Variants in ZNF844 observed in about 807,000 individuals in gnomAD.
ZNF844 encodes zinc finger protein 844.
ZNF844 carries 11 observed loss-of-function variants against 11.4 expected under a neutral mutation model. The ratio of observed to expected loss-of-function variants is 0.97; its 90% confidence interval spans 0.61 to 1.60. The LOEUF is 1.60. Among genes scored for constraint, ZNF844 ranks in the 40% most tolerant of loss-of-function variants. ZNF844 has a pLI of 0.00. For synonymous variants in ZNF844, 248 were observed against 260.3 expected (o/e 0.95, Z 0.46); for missense variants, 790 against 796.8 (o/e 0.99, Z 0.10).
Position 12,076,061 on chromosome 19 carries a change from G to A in ZNF844, c.941G>A (p.Cys314Tyr). Residue 314 changes from cysteine (C) to tyrosine (Y), a missense_variant, in exon 4 of 4, where the codon TGT becomes TAT. Coordinates refer to ENST00000439326, the MANE Select transcript of ZNF844 (RefSeq NM_001136501.3). ...GAGAAGGCTTATGAATGTACCAAAT[G>A]TGGGAAAGCATTCAAGTGTCCCAGT... ...SEEKAYECTK[C>Y]GKAFKCPSYL... is the part of the protein sequence containing the mutation. The A allele has an allele frequency of 6.4e-7, 1 of 1,563,782 alleles. No homozygotes were observed.
Position 12,075,516 on chromosome 19 carries a change from G to T in ZNF844, c.396G>T (p.Glu132Asp). 6.2e-7 allele frequency: 1 copy of T among 1,613,926 alleles called. No individual in the cohort carries two copies. ...IRADTAHKPS[E>D]YQEYGQEPYK... is the part of the protein sequence containing the mutation. ...CTGACACTGCACACAAGCCGTCTGA[G>T]TATCAGGAATATGGACAGGAGCCAT... is the stretch of plus-strand genomic sequence containing the variant. The change falls in exon 4 of 4, where the codon GAG becomes GAT. Residue 132 changes from glutamate (E) to aspartate (D), a missense_variant. Around this residue, in one of 3 missense-constraint regions of ZNF844, gnomAD observed 4 missense variants for 16.6 expected, o/e 0.24. Coordinates refer to ENST00000439326, the MANE Select transcript of ZNF844 (RefSeq NM_001136501.3).
Position 12,071,146 on chromosome 19 carries a change from G to A in ZNF844, c.4-2885G>A, listed in dbSNP as rs137907812. Among the ~76,000 whole-genome samples, 308 of 152,102 alleles carry A rather than the reference G, an allele frequency of 2.0e-3. 1 individual carries two copies. The highest frequency in any genetic ancestry group is 6.9e-3 in the African/African-American group (286 of 41,526). ...CTTAAGTTTCTGGTTTCCTCCCCACGTTCCAGAACACTCCCTCATTTCCCC... is the reference window on the plus strand; with the variant it reads ...CTTAAGTTTCTGGTTTCCTCCCCACATTCCAGAACACTCCCTCATTTCCCC... On this transcript the variant is annotated intron_variant, in intron 1 of 3. Coordinates refer to ENST00000439326, the MANE Select transcript of ZNF844 (RefSeq NM_001136501.3).
Position 12,077,487 on chromosome 19 carries a change from G to A in ZNF844, c.*366G>A, listed in dbSNP as rs1342180639. The A allele has an allele frequency of 3.3e-6, 2 of 606,616 alleles. No individual in the cohort carries two copies. The highest frequency in any genetic ancestry group is 1.9e-5 in the African/African-American group (1 of 53,614). The allele number at this position is 606,616 out of a possible 1,614,324, so 37.6% of individuals were successfully genotyped here. A position where few individuals can be genotyped will look rare whatever the true frequency, so the allele number is the denominator to read the frequency against. ...CTATGAATGTAAGCAGTGTGGGAAA[G>A]CCTTCATTTCTTCCGGTAGCCTTCG... On this transcript the variant is annotated 3_prime_UTR_variant, in exon 4 of 4. Coordinates refer to ENST00000439326, the MANE Select transcript of ZNF844 (RefSeq NM_001136501.3).
chr19:12,077,534 TG>T lies in ZNF844; in HGVS notation c.*415del. On this transcript the variant is annotated 3_prime_UTR_variant, in exon 4 of 4. Coordinates refer to ENST00000439326, the MANE Select transcript of ZNF844 (RefSeq NM_001136501.3). ...TTCGATATCATGAAAGGACTCACAC[TG>T]GAGAGAAACCCTATGAATGTAAGCA... 1 of 610,704 alleles carries T rather than the reference TG, an allele frequency of 1.6e-6. No homozygotes were observed. The highest frequency in any genetic ancestry group is 3.1e-6 in the Non-Finnish European group (1 of 323,094). The allele number at this position is 610,704 out of a possible 1,614,324, so 37.8% of individuals were successfully genotyped here.
At chr19:12,069,214 G>C (rs1178565580) in intron 1 of ZNF844, among the ~76,000 whole-genome samples, 1 of 84,066 alleles carries the variant, frequency 1.2e-5, no homozygotes, top group African/African-American at 5.2e-5. Context: ...ACCAAGTCTT[G>C]CTCTGTCACC....
rs531429218 is a variant in ZNF844 at position 12,080,416 on chromosome 19, A to C, written c.*3295A>C. On this transcript the variant is annotated 3_prime_UTR_variant, in exon 4 of 4. Coordinates refer to ENST00000439326, the MANE Select transcript of ZNF844 (RefSeq NM_001136501.3). ...TTTAGAAATGGAGTTGGAGGATGTC[A>C]TAATACAATTCACCAGTGTCCTATC... The C allele has an allele frequency of 2.6e-6, 1 of 377,988 alleles. No individual in the cohort carries two copies. Among genetic ancestry groups the C allele is most frequent in the Admixed American group, 3.7e-5 (1 of 26,834 alleles). 23.4% of individuals were successfully genotyped at this position (377,988 alleles called of 1,614,324 possible).
rs1381412538 is a variant in ZNF844 at position 12,074,417 on chromosome 19, C to T, written c.187C>T (p.Leu63=). The change falls in exon 3 of 4, where the codon CTA becomes TTA. Residue 63 remains leucine (L), a synonymous_variant. Coordinates refer to ENST00000439326, the MANE Select transcript of ZNF844 (RefSeq NM_001136501.3). ...EDQYKNPRNN[L]RSLLGERVDE... ...TCAGTACAAAAATCCCAGGAATAAT[C>T]TAAGGTGATTTAAACTCACGAGACA... is the stretch of plus-strand genomic sequence containing the variant. 6.5e-7 allele frequency: 1 copy of T among 1,536,466 alleles called. No individual in the cohort carries two copies. Among genetic ancestry groups the T allele is most frequent in the Non-Finnish European group, 8.8e-7 (1 of 1,141,736 alleles).
rs1416672622 is a variant in ZNF844 at position 12,075,942 on chromosome 19, TCA to T, written c.826_827del (p.Thr276TrpfsTer6). 6.2e-7 allele frequency: 1 copy of T among 1,600,750 alleles called. No individual in the cohort carries two copies. The highest frequency in any genetic ancestry group is 8.5e-7 in the Non-Finnish European group (1 of 1,173,382). ...ATTCCCTTTATGAACATAGAAGAACTCACACTGGAGAGAAGCCATATGAATGC... is the reference window on the plus strand; with the variant it reads ...ATTCCCTTTATGAACATAGAAGAACTCACTGGAGAGAAGCCATATGAATGC... The part of the protein sequence containing the change: ...PNSLYEHRRT[H>X]TGEKPYECKQ... On this transcript the variant is annotated frameshift_variant, in exon 4 of 4. Coordinates refer to ENST00000439326, the MANE Select transcript of ZNF844 (RefSeq NM_001136501.3). LOFTEE classifies it low-confidence loss of function (END_TRUNC).
intron 1 of ZNF844, among the ~76,000 whole-genome samples, chr19:12,072,021 G>T (rs1205537498): frequency 6.6e-6 from 1 of 151,898 alleles, no homozygotes; most frequent in Non-Finnish European, 1.5e-5. Flanking sequence ...CAAGTAGCTG[G>T]GATTCCAGGC....
At chr19:12,071,389 A>C (rs1025079132) in intron 1 of ZNF844, among the ~76,000 whole-genome samples, 1 of 152,218 alleles carries the variant, frequency 6.6e-6, no homozygotes, top group Non-Finnish European at 1.5e-5. Context: ...CTGTTTAGAA[A>C]TTTTATTTTC....
chr19:12,073,861 T>C (rs1372520291), intron 1 of ZNF844, among the ~76,000 whole-genome samples, 170 bp from the exon 2 acceptor site: 3 of 152,190 alleles, frequency 2.0e-5, no homozygotes, highest in Non-Finnish European at 4.4e-5. Context: ...AGCATCAGAA[T>C]TGCTTTAGAG....
In ZNF844 at chr19:12,080,461, C is replaced by T. The variant is rs1277912832; in HGVS notation, c.*3340C>T. Reference sequence around the variant, plus strand: ...CCTATCTTACATGCAATTTCAAAGGCAGACAAGAGGAAGTCATCAGTCACA... The same window carrying T: ...CCTATCTTACATGCAATTTCAAAGGTAGACAAGAGGAAGTCATCAGTCACA... On this transcript the variant is annotated 3_prime_UTR_variant, in exon 4 of 4. Coordinates refer to ENST00000439326, the MANE Select transcript of ZNF844 (RefSeq NM_001136501.3). 3.5e-6 allele frequency: 1 copy of T among 288,518 alleles called. No individual in the cohort carries two copies. The highest frequency in any genetic ancestry group is 6.7e-6 in the Non-Finnish European group (1 of 148,510). 17.9% of individuals were successfully genotyped at this position (288,518 alleles called of 1,614,324 possible). A position where few individuals can be genotyped will look rare whatever the true frequency, so the allele number is the denominator to read the frequency against.
At chr19:12,070,896 A>T (rs530531653) in intron 1 of ZNF844, among the ~76,000 whole-genome samples, 1 of 152,290 alleles carries the variant, frequency 6.6e-6, no homozygotes, top group African/African-American at 2.4e-5. Context: ...GGGGAAGAGA[A>T]TATTAATAAA....
rs931344576 is a variant in ZNF844, at chr19:12,079,340, A to G, written c.*2219A>G. On this transcript the variant is annotated 3_prime_UTR_variant, in exon 4 of 4. Coordinates refer to ENST00000439326, the MANE Select transcript of ZNF844 (RefSeq NM_001136501.3). Reference sequence around the variant, plus strand: ...TTCCTGAAATGAAGCAATTCATACTATTAATATATGAGAGAAATCCTATTA... The same window carrying G: ...TTCCTGAAATGAAGCAATTCATACTGTTAATATATGAGAGAAATCCTATTA... 3 of 152,154 alleles carry G rather than the reference A, an allele frequency of 2.0e-5. No individual in the cohort carries two copies. Among genetic ancestry groups the G allele is most frequent in the African/African-American group, 7.2e-5 (3 of 41,432 alleles). 9.4% of individuals were successfully genotyped at this position (152,154 alleles called of 1,614,324 possible).
intron 1 of ZNF844, among the ~76,000 whole-genome samples, chr19:12,066,215 C>T (rs973891613): frequency 1.4e-4 from 22 of 152,058 alleles, no homozygotes; most frequent in Middle Eastern, 3.4e-3. Flanking sequence ...TGTGAGCCAC[C>T]GAACTCGGCC....
rs1440778579 is a variant in ZNF844 at position 12,066,527 on chromosome 19, CTTCTTTT to C, written c.3+1654_3+1660del. ...ATCATTTAAACTATAACATAAATGT[CTTCTTTT>C]TTTTTTTTTTTTTTTTTTTTGTTGT... On this transcript the variant is annotated intron_variant, in intron 1 of 3. Transcript: ENST00000439326. Among the ~76,000 whole-genome samples, 70 of 123,124 alleles carry C rather than the reference CTTCTTTT, an allele frequency of 5.7e-4. 3 individuals are homozygous for C. In the East Asian group the frequency reaches 0.014, roughly 24 times the overall value. The allele number at this position is 123,124 out of a possible 152,430, so 80.8% of individuals were successfully genotyped here.
intron 1 of ZNF844, among the ~76,000 whole-genome samples, chr19:12,072,739 A>T (rs758905086): frequency 6.6e-6 from 1 of 151,980 alleles, no homozygotes; most frequent in Non-Finnish European, 1.5e-5. Flanking sequence ...ACCCACCACC[A>T]TGCCTGGCTA....
chr19:12,069,676 C>G (rs1241481246), intron 1 of ZNF844, among the ~76,000 whole-genome samples: 1 of 150,492 alleles, frequency 6.6e-6, no homozygotes, highest in East Asian at 2.0e-4. Flanking sequence ...TATTTTAGGC[C>G]AGGTGCGGTG....
rs1322835617 is a variant in ZNF844, at chr19:12,076,158, A to G, written c.1038A>G (p.Leu346=). 1 of 1,530,986 alleles carries G rather than the reference A, an allele frequency of 6.5e-7. No homozygotes were observed. Among genetic ancestry groups the G allele is most frequent in the Non-Finnish European group, 8.9e-7 (1 of 1,127,218 alleles). The allele number at this position is 1,530,986 out of a possible 1,614,324, so 94.8% of individuals were successfully genotyped here. ...AATGTAAACAATGTGGGAAAGCATT[A>G]TCTTATCTTAACTTTCAAAGACACA... The part of the protein sequence containing the change: ...PCECKQCGKA[L]SYLNFQRHMK... Residue 346 remains leucine (L), a synonymous_variant, in exon 4 of 4, where the codon TTA becomes TTG. Transcript: ENST00000439326.
Sources: gnomAD v4.1 joint callset for allele counts (sites outside exome capture counted in the v4.1 genomes callset) on GRCh38, gnomAD v4.1.1 for gene constraint, gnomAD v4.1.1 regional missense constraint, MANE v1.5 for transcripts, NCBI Gene and HGNC (gene_info 2026-07-23, HGNC 2026-07-21) for gene names.